Variants in OR51B5 observed in about 807,000 individuals in gnomAD.
The protein encoded by OR51B5 is olfactory receptor 51B5.
For missense variants in OR51B5, 456 were observed against 374.6 expected (o/e 1.22, Z -1.79); for synonymous variants, 186 against 144.8 (o/e 1.28, Z -2.04).
intron 1 of OR51B5, among the ~76,000 whole-genome samples, chr11:5,352,841 C>CTTAATAT (rs144115975): frequency 0.34 from 48,985 of 142,508 alleles, 8,365 homozygotes; most frequent in Non-Finnish European, 0.38. Flanking sequence ...ATTATATATA[C>CTTAATAT]TTAATATATA....
intron 1 of OR51B5, chr11:5,383,720 A>G (rs759826153): frequency 3.9e-5 from 6 of 152,168 alleles, no homozygotes; most frequent in Non-Finnish European, 8.8e-5. Context: ...TTTCCTGCCC[A>G]TAGGATTCCC....
chr11:5,438,038 G>C (rs1401280138), intron 1 of OR51B5, among the ~76,000 whole-genome samples: 1 of 152,092 alleles, frequency 6.6e-6, no homozygotes, highest in African/African-American at 2.4e-5. Flanking sequence ...AGGATTGGTT[G>C]GATCAAAAAT....
At chr11:5,364,262 T>C (rs1009977857) in intron 1 of OR51B5, among the ~76,000 whole-genome samples, 1 of 152,192 alleles carries the variant, frequency 6.6e-6, no homozygotes, top group Non-Finnish European at 1.5e-5. Context: ...TAGATGAGCT[T>C]TTGATCTGTG....
intron 1 of OR51B5, among the ~76,000 whole-genome samples, chr11:5,378,079 A>C (rs1849554985): frequency 6.6e-6 from 1 of 152,080 alleles, no homozygotes; most frequent in African/African-American, 2.4e-5. Context: ...GGCTACAGTA[A>C]CCAAAACAGC....
At chr11:5,461,944 T>C (rs1851060202) in intron 1 of OR51B5, among the ~76,000 whole-genome samples, 1 of 152,132 alleles carries the variant, frequency 6.6e-6, no homozygotes, top group South Asian at 2.1e-4. Flanking sequence ...GATGATCTGG[T>C]CTCTTCATGG....
At chr11:5,447,053 A>G (rs1444203558) in intron 1 of OR51B5, among the ~76,000 whole-genome samples, 1 of 152,196 alleles carries the variant, frequency 6.6e-6, no homozygotes, top group Non-Finnish European at 1.5e-5. Context: ...GGACTACAAC[A>G]AGTTGATGCT....
chr11:5,357,112 A>T (rs893410303), intron 1 of OR51B5, among the ~76,000 whole-genome samples: 1 of 152,112 alleles, frequency 6.6e-6, no homozygotes, highest in Non-Finnish European at 1.5e-5. Flanking sequence ...ACAGGATCAA[A>T]TTCACACATA....
chr11:5,343,723 AGGATCT>A (rs1467165362), upstream of OR51B5: 1 of 464,488 alleles, frequency 2.2e-6, no homozygotes, highest in East Asian at 3.3e-5. Context: ...TGCACATTCC[AGGATCT>A]ATCTCCTACC....
chr11:5,387,450 T>C (rs10742660), intron 1 of OR51B5, among the ~76,000 whole-genome samples: 118,790 of 152,062 alleles, frequency 0.78, 46,809 homozygotes, highest in Middle Eastern at 0.84. Context: ...AAAAGATAAA[T>C]GTGGACTATT....
intron 1 of OR51B5, among the ~76,000 whole-genome samples, chr11:5,359,068 C>G (rs1849238911): frequency 6.6e-6 from 1 of 152,162 alleles, no homozygotes; most frequent in South Asian, 2.1e-4. Context: ...GAAGCATTCC[C>G]TTTGAAAACT....
At chr11:5,484,237 C>G (rs1169460144) in intron 1 of OR51B5, among the ~76,000 whole-genome samples, 1 of 152,100 alleles carries the variant, frequency 6.6e-6, no homozygotes, top group Non-Finnish European at 1.5e-5. Context: ...CAGGATCCTG[C>G]AACAAGTTAG....
chr11:5,424,209 G>A (rs1381140886), intron 1 of OR51B5, among the ~76,000 whole-genome samples: 1 of 152,190 alleles, frequency 6.6e-6, no homozygotes, highest in African/African-American at 2.4e-5. Flanking sequence ...GTGGAAGGTA[G>A]TGTTACAGAA....
At chr11:5,414,300 A>C (rs535206340) in intron 1 of OR51B5, among the ~76,000 whole-genome samples, 15 of 149,706 alleles carry the variant, frequency 1.0e-4, no homozygotes, top group South Asian at 4.4e-4. Context: ...CATGGAAAGG[A>C]ACAACCGGTA....
intron 1 of OR51B5, among the ~76,000 whole-genome samples, chr11:5,481,974 A>C (rs1163260743): frequency 2.5e-5 from 3 of 121,778 alleles, no homozygotes; most frequent in Non-Finnish European, 4.9e-5. Flanking sequence ...CAAGCTACCA[A>C]TGACTTTCTT....
intron 1 of OR51B5, among the ~76,000 whole-genome samples, chr11:5,468,210 C>T (rs1186697961): frequency 1.3e-5 from 2 of 152,160 alleles, no homozygotes; most frequent in Non-Finnish European, 2.9e-5. Context: ...GTTATTAGTA[C>T]ATTGGGACAA....
At chr11:5,484,815 C>T (rs1851477233) in intron 1 of OR51B5, among the ~76,000 whole-genome samples, 1 of 152,144 alleles carries the variant, frequency 6.6e-6, no homozygotes, top group Non-Finnish European at 1.5e-5. Context: ...TTGCCTCTGG[C>T]TAAATAAACA....
At chr11:5,411,739 C>T (rs1850151854) in intron 1 of OR51B5, among the ~76,000 whole-genome samples, 1 of 152,060 alleles carries the variant, frequency 6.6e-6, no homozygotes, top group Non-Finnish European at 1.5e-5. Flanking sequence ...ATCAAGTGAG[C>T]CCAACATAAT....
At chr11:5,430,199 A>C (rs1355175868) in intron 1 of OR51B5, among the ~76,000 whole-genome samples, 1 of 152,116 alleles carries the variant, frequency 6.6e-6, no homozygotes, top group Non-Finnish European at 1.5e-5. Context: ...CACCTTACTC[A>C]AAGACATGTT....
chr11:5,359,551 G>C (rs1156357235), intron 1 of OR51B5, among the ~76,000 whole-genome samples: 9 of 136,168 alleles, frequency 6.6e-5, no homozygotes, highest in Admixed American at 2.2e-4. Context: ...TCAATATCAT[G>C]AAAATGGCCA....
Sources: gnomAD v4.1 joint callset for allele counts (sites outside exome capture counted in the v4.1 genomes callset) on GRCh38, gnomAD v4.1.1 for gene constraint, MANE v1.5 for transcripts, NCBI Gene and HGNC (gene_info 2026-07-23, HGNC 2026-07-21) for gene names.